Variants in PMFBP1 observed in about 807,000 individuals in gnomAD.
The protein encoded by PMFBP1 is polyamine modulated factor 1 binding protein 1.
Under a neutral mutation model 137.8 loss-of-function variants are expected in PMFBP1, and 131 were observed. That is an observed-to-expected ratio of 0.95 (90% CI 0.82 to 1.10). The LOEUF is 1.10. Ranked by LOEUF, PMFBP1 falls within the 50% of genes least tolerant of loss-of-function variation. The pLI is 0.00. For synonymous variants in PMFBP1, 490 were observed against 450.4 expected (o/e 1.09, Z -1.11); for missense variants, 1,199 against 1,175.4 (o/e 1.02, Z -0.29).
downstream of PMFBP1, among the ~76,000 whole-genome samples, chr16:72,118,765 G>GA (rs1555541155): frequency 1.4e-5 from 1 of 71,820 alleles, no homozygotes; most frequent in Admixed American, 1.1e-4. Flanking sequence ...GTGGTGGGCG[G>GA]GGGGGCAGGT....
intron 7 of PMFBP1, among the ~76,000 whole-genome samples, chr16:72,138,280 C>T (rs752077988): frequency 2.6e-5 from 4 of 152,168 alleles, no homozygotes; most frequent in Non-Finnish European, 5.9e-5. Context: ...TCCTCCTCCC[C>T]GACTAGAGAA....
Position 72,154,250 on chromosome 16 carries a change from C to T in PMFBP1, c.375G>A (p.Leu125=), listed in dbSNP as rs1178253649. Residue 125 remains leucine (L), a synonymous_variant, in exon 4 of 21, where the codon CTG becomes CTA. Coordinates refer to ENST00000237353, the MANE Select transcript of PMFBP1 (RefSeq NM_031293.3). ...QSILEKQTSD[L]VLLHHHCKLK... ...GTTTGCAGTGATGGTGCAGAAGAACCAGGTCGGAAGTCTGCTTCTCTAGGA... is the reference window on the plus strand; with the variant it reads ...GTTTGCAGTGATGGTGCAGAAGAACTAGGTCGGAAGTCTGCTTCTCTAGGA... 1.9e-6 allele frequency: 3 copies of T among 1,614,020 alleles called. No individual in the cohort carries two copies. In the Admixed American group the frequency reaches 5.0e-5, roughly 27 times the overall value.
At chr16:72,150,953 G>A in intron 4 of PMFBP1, 124 bp from the exon 5 acceptor site, 1 of 785,396 alleles carries the variant, frequency 1.3e-6, no homozygotes, top group Non-Finnish European at 2.1e-6. Flanking sequence ...GAACAGAAGA[G>A]AGGCTGCACA....
chr16:72,129,347 T>A (rs1446317715), intron 12 of PMFBP1, 114 bp from the exon 13 acceptor site: 1 of 1,198,580 alleles, frequency 8.3e-7, no homozygotes, highest in Non-Finnish European at 1.1e-6. Flanking sequence ...GACAATTCCT[T>A]AGTTATATAG....
Position 72,136,749 on chromosome 16 carries a change from T to C in PMFBP1, c.989A>G (p.Lys330Arg). The part of the protein sequence containing the change: ...LHVEEYQNLV[K>R]DLRVELEAVS... ...GGCCTCTAGTTCCACGCGCAGATCC[T>C]TCACCAGGTTCTGGTACTCCTCCAC... Residue 330 changes from lysine to arginine, a missense_variant, in exon 8 of 21, where the codon AAG becomes AGG. By Grantham distance (26) the Lys-to-Arg change is conservative. Transcript: ENST00000237353. The C allele has an allele frequency of 6.2e-7, 1 of 1,614,190 alleles. No individual in the cohort carries two copies.
At chr16:72,130,862 G>A in intron 10 of PMFBP1, 140 bp from the exon 11 acceptor site, 1 of 750,152 alleles carries the variant, frequency 1.3e-6, no homozygotes, top group East Asian at 2.7e-5. Context: ...TCCATTTCAT[G>A]ATCAGTCCTA....
chr16:72,119,729 A>C, intron 20 of PMFBP1, 122 bp downstream of exon 20: 2 of 1,516,004 alleles, frequency 1.3e-6, no homozygotes, highest in Non-Finnish European at 1.8e-6. Flanking sequence ...CTTTGGTCCA[A>C]AGTCGCTAAG....
chr16:72,154,130 C>A, intron 4 of PMFBP1, 81 bp downstream of exon 4: 1 of 1,536,152 alleles, frequency 6.5e-7, no homozygotes, highest in East Asian at 2.3e-5. Context: ...CTAAGTCCAG[C>A]GTCTGCTTTC....
the PMFBP1 span, among the ~76,000 whole-genome samples, chr16:72,188,961 C>T: frequency 6.6e-6 from 1 of 152,172 alleles, no homozygotes; most frequent in African/African-American, 2.4e-5. Context: ...GCGCAGAGTG[C>T]CCTGGGGAGG....
At chr16:72,162,338 C>T (rs957932067) in intron 3 of PMFBP1, among the ~76,000 whole-genome samples, 2 of 152,192 alleles carry the variant, frequency 1.3e-5, no homozygotes, top group South Asian at 2.1e-4. Context: ...GGGAGCATAA[C>T]GTAGTTTTGA....
chr16:72,211,747 C>A, the PMFBP1 span, among the ~76,000 whole-genome samples: 1 of 152,096 alleles, frequency 6.6e-6, no homozygotes, highest in Non-Finnish European at 1.5e-5. Flanking sequence ...GTAATCCCAG[C>A]AATTTGGGAG....
At chr16:72,212,872 A>G in the PMFBP1 span, among the ~76,000 whole-genome samples, 2 of 152,236 alleles carry the variant, frequency 1.3e-5, no homozygotes, top group African/African-American at 4.8e-5. Context: ...AAAATCAGAC[A>G]TCTTAATAGC....
Position 72,119,334 on chromosome 16 carries a change from G to T in PMFBP1, c.*4C>A. 6.2e-7 allele frequency: 1 copy of T among 1,613,468 alleles called. No individual in the cohort carries two copies. Among genetic ancestry groups the T allele is most frequent in the Middle Eastern group, 1.7e-4 (1 of 6,058 alleles). Reference sequence around the variant, plus strand: ...GAAATGCTGCTCAGGGCTAGATGTGGATTCTAGCAGTATGAGGAACCTGAG... The same window carrying T: ...GAAATGCTGCTCAGGGCTAGATGTGTATTCTAGCAGTATGAGGAACCTGAG... On this transcript the variant is annotated 3_prime_UTR_variant, in exon 21 of 21. Coordinates refer to ENST00000237353, the MANE Select transcript of PMFBP1 (RefSeq NM_031293.3).
At chr16:72,138,503 A>G (rs1157382223) in intron 7 of PMFBP1, among the ~76,000 whole-genome samples, 2 of 152,044 alleles carry the variant, frequency 1.3e-5, no homozygotes, top group Non-Finnish European at 1.5e-5. Flanking sequence ...TGGTTCATCA[A>G]CTTTTATTTA....
chr16:72,196,042 A>C, the PMFBP1 span, among the ~76,000 whole-genome samples: 1 of 152,098 alleles, frequency 6.6e-6, no homozygotes, highest in Non-Finnish European at 1.5e-5. Context: ...AAAGAGAGAG[A>C]GAGACAGACA....
At chr16:72,119,452 G>T in intron 20 of PMFBP1, 98 bp from the exon 21 acceptor site, 3 of 1,607,154 alleles carry the variant, frequency 1.9e-6, no homozygotes, top group Non-Finnish European at 2.5e-6. Flanking sequence ...CTCTGCTGCA[G>T]GGTGACTTCT....
the PMFBP1 span, among the ~76,000 whole-genome samples, chr16:72,220,421 C>T: frequency 2.0e-5 from 3 of 151,800 alleles, no homozygotes; most frequent in Admixed American, 1.3e-4. Context: ...TTCAGTATAT[C>T]GCAAATGCAT....
intron 20 of PMFBP1, 51 bp from the exon 21 acceptor site, chr16:72,119,405 A>T: frequency 6.2e-7 from 1 of 1,614,022 alleles, no homozygotes; most frequent in Non-Finnish European, 8.5e-7. Flanking sequence ...GAAATTAACG[A>T]GGTGATTCCT....
chr16:72,247,058 C>T, the PMFBP1 span, among the ~76,000 whole-genome samples: 1 of 152,178 alleles, frequency 6.6e-6, no homozygotes, highest in East Asian at 1.9e-4. Context: ...CCCCATTTAC[C>T]TGTCCGATGA....
Sources: allele counts gnomAD v4.1 joint callset (sites outside exome capture counted in the v4.1 genomes callset), GRCh38; gene constraint gnomAD v4.1.1; transcripts MANE v1.5; gene names NCBI Gene and HGNC (gene_info 2026-07-23, HGNC 2026-07-21).